WDR82: variants seen among roughly 807,000 people sequenced by gnomAD.
WDR82 encodes WD repeat-containing protein 82.
A neutral mutation model predicts 36.1 loss-of-function variants in WDR82; 8 were observed. That is an observed-to-expected ratio of 0.22 (90% CI 0.13 to 0.40). The LOEUF (loss-of-function observed/expected upper bound fraction) is 0.40. Ranked by LOEUF, WDR82 falls within the 10% of genes least tolerant of loss-of-function variation. The probability of loss-of-function intolerance (pLI) is 1.00; values close to 1 mark genes in which losing one functional copy is unlikely to be tolerated. For missense variants in WDR82, 185 were observed against 400.5 expected (o/e 0.46, Z 4.59); for synonymous variants, 129 against 137.8 (o/e 0.94, Z 0.45).
intron 1 of WDR82, among the ~76,000 whole-genome samples, chr3:52,274,661 G>A (rs532869825): frequency 1.2e-4 from 19 of 152,206 alleles, no homozygotes; most frequent in African/African-American, 3.4e-4. Flanking sequence ...CTGGGAGGCC[G>A]AGGAGACCGA....
chr3:52,277,773 CAA>C (rs1324573076), intron 1 of WDR82, among the ~76,000 whole-genome samples: 1 of 152,166 alleles, frequency 6.6e-6, no homozygotes, highest in Non-Finnish European at 1.5e-5. Flanking sequence ...GGAGAGAGCA[CAA>C]GAGAGAGCTG....
chr3:52,277,365 TAA>T (rs1442161196), intron 1 of WDR82, among the ~76,000 whole-genome samples: 4 of 151,306 alleles, frequency 2.6e-5, no homozygotes, highest in Admixed American at 2.6e-4. Flanking sequence ...TGTGGCAACA[TAA>T]AAGTTTCATG....
intron 4 of WDR82, 61 bp from the exon 5 acceptor site, chr3:52,260,562 A>C: frequency 8.7e-7 from 1 of 1,153,652 alleles, no homozygotes; most frequent in Non-Finnish European, 1.2e-6. Flanking sequence ...ACGTGGAATA[A>C]CCAAAGACTG....
chr3:52,278,166 C>T (rs1448474839), intron 1 of WDR82, 35 bp downstream of exon 1: 2 of 1,536,368 alleles, frequency 1.3e-6, no homozygotes, highest in African/African-American at 1.4e-5. Context: ...GAGGGAGGCA[C>T]TGAGACTCGG....
In WDR82 at chr3:52,278,412, C is replaced by A; in HGVS notation, c.-51G>T. On this transcript the variant is annotated 5_prime_UTR_variant, in exon 1 of 9. Transcript: ENST00000296490. Reference sequence around the variant, plus strand: ...GGCGCAGGGCCGGGGCGGGGCCCGGCGGCGAGCGGGCGGGCTGCCGAGGGG... The same window carrying A: ...GGCGCAGGGCCGGGGCGGGGCCCGGAGGCGAGCGGGCGGGCTGCCGAGGGG... 1.6e-6 allele frequency: 2 copies of A among 1,257,554 alleles called. No homozygotes were observed. Among genetic ancestry groups the A allele is most frequent in the East Asian group, 3.6e-5 (1 of 27,818 alleles). The allele number at this position is 1,257,554 out of a possible 1,614,324, so 77.9% of individuals were successfully genotyped here.
chr3:52,264,384 G>C (rs1306138389), intron 3 of WDR82, among the ~76,000 whole-genome samples: 2 of 152,136 alleles, frequency 1.3e-5, no homozygotes, highest in Admixed American at 6.6e-5. Flanking sequence ...CCTGCCACGG[G>C]AAAGTAAGTT....
intron 8 of WDR82, 150 bp downstream of exon 8, chr3:52,258,386 A>G: frequency 1.1e-6 from 1 of 902,602 alleles, no homozygotes; most frequent in Non-Finnish European, 1.7e-6. Flanking sequence ...ATAATAGGAG[A>G]TGAAATAGGG....
chr3:52,255,569 G>A lies in WDR82; in HGVS notation c.*1921C>T, dbSNP rs1276278756. ...TAGTCTACATTTGGGAAAGGTGTAC[G>A]CCTCTTGCACTTTCAGAGGAACAAG... On this transcript the variant is annotated 3_prime_UTR_variant, in exon 9 of 9. Transcript: ENST00000296490. 7 of 151,896 alleles carry A rather than the reference G, an allele frequency of 4.6e-5. No individual in the cohort carries two copies. 9.4% of individuals were successfully genotyped at this position (151,896 alleles called of 1,614,324 possible). A position where few individuals can be genotyped will look rare whatever the true frequency, so the allele number is the denominator to read the frequency against.
At chr3:52,277,077 T>TA (rs1362674627) in intron 1 of WDR82, among the ~76,000 whole-genome samples, 3 of 144,624 alleles carry the variant, frequency 2.1e-5, no homozygotes, top group African/African-American at 7.5e-5. Flanking sequence ...ATAATAATAA[T>TA]AATAATAATA....
chr3:52,272,629 G>A (rs536778209), intron 1 of WDR82, among the ~76,000 whole-genome samples: 2 of 151,572 alleles, frequency 1.3e-5, no homozygotes, highest in African/African-American at 4.9e-5. Flanking sequence ...TCTCCAATAC[G>A]ATCAACTGAA....
chr3:52,265,928 C>T (rs1032487880), intron 3 of WDR82, among the ~76,000 whole-genome samples: 21 of 152,086 alleles, frequency 1.4e-4, no homozygotes, highest in Admixed American at 1.1e-3. Flanking sequence ...TGTCAGGGCT[C>T]CATACCAATC....
At position 52,257,531 on chromosome 3, in the gene WDR82, A is replaced by G. The variant is rs1700020183; in HGVS notation, c.913-12T>C. 3 of 1,614,132 alleles carry G rather than the reference A, an allele frequency of 1.9e-6. No individual in the cohort carries two copies. In the Admixed American group the frequency reaches 5.0e-5, roughly 27 times the overall value. ...GGCAACCAAAAGGCCTAGAAGGAGA[A>G]CATAAATCAACTTTAAAAAGCCAAG... On this transcript the variant is annotated splice_polypyrimidine_tract_variant and intron_variant, in intron 8 of 8. Coordinates refer to ENST00000296490, the MANE Select transcript of WDR82 (RefSeq NM_025222.4).
rs1334864881 is a variant in WDR82, at chr3:52,256,625, TG to T, written c.*864del. ...AATACTGGCCCACAGGTAAGTGTGA[TG>T]TATCTCATGTACAAAAATAGACTCC... On this transcript the variant is annotated 3_prime_UTR_variant, in exon 9 of 9. Transcript: ENST00000296490. 2 of 153,738 alleles carry T rather than the reference TG, an allele frequency of 1.3e-5. No individual in the cohort carries two copies. 9.5% of individuals were successfully genotyped at this position (153,738 alleles called of 1,614,324 possible).
Position 52,260,372 on chromosome 3 carries a change from T to C in WDR82, c.543+13A>G. The stretch of plus-strand genomic sequence containing the variant: ...AAAAACAGCTCAAAGATCTCAAAGA[T>C]TCAAAGATTTACCTTATCAAAAGAA... On this transcript the variant is annotated intron_variant, in intron 5 of 8. Transcript: ENST00000296490. 2 of 1,525,810 alleles carry C rather than the reference T, an allele frequency of 1.3e-6. No homozygotes were observed. Among genetic ancestry groups the C allele is most frequent in the African/African-American group, 1.4e-5 (1 of 69,244 alleles). The allele number at this position is 1,525,810 out of a possible 1,614,324, so 94.5% of individuals were successfully genotyped here.
chr3:52,256,717 CAG>C lies in WDR82; in HGVS notation c.*771_*772del, dbSNP rs1275475355. 2 of 153,684 alleles carry C rather than the reference CAG, an allele frequency of 1.3e-5. No individual in the cohort carries two copies. Among genetic ancestry groups the C allele is most frequent in the Admixed American group, 1.3e-4 (2 of 15,268 alleles). 9.5% of individuals were successfully genotyped at this position (153,684 alleles called of 1,614,324 possible). A position where few individuals can be genotyped will look rare whatever the true frequency, so the allele number is the denominator to read the frequency against. On this transcript the variant is annotated 3_prime_UTR_variant, in exon 9 of 9. Coordinates refer to ENST00000296490, the MANE Select transcript of WDR82 (RefSeq NM_025222.4). The stretch of plus-strand genomic sequence containing the variant: ...GAGGACCGTGGGTTTGTCTTGATGA[CAG>C]GGCACTGCACCAGGCTGCTGCTAAA...
chr3:52,269,673 C>T (rs367630811), intron 2 of WDR82, among the ~76,000 whole-genome samples: 2 of 151,676 alleles, frequency 1.3e-5, no homozygotes, highest in East Asian at 3.9e-4. Flanking sequence ...GAGGTTGCAG[C>T]GAGCTGAGAT....
In WDR82 at chr3:52,261,492, G is replaced by C. The variant is rs758549887; in HGVS notation, c.327-13C>G. ...CAAGGCCACCACCCTGCAATACATC[G>C]AGATAAATAGGAGTTGATGCGAAAT... On this transcript the variant is annotated splice_polypyrimidine_tract_variant and intron_variant, in intron 3 of 8. Coordinates refer to ENST00000296490, the MANE Select transcript of WDR82 (RefSeq NM_025222.4). The C allele has an allele frequency of 6.2e-7, 1 of 1,601,348 alleles. No individual in the cohort carries two copies. The highest frequency in any genetic ancestry group is 8.5e-7 in the Non-Finnish European group (1 of 1,176,046).
rs939268523 is a variant in WDR82 at position 52,270,699 on chromosome 3, A to G, written c.259+13T>C. The G allele has an allele frequency of 1.1e-5, 17 of 1,597,488 alleles. No homozygotes were observed. The highest frequency in any genetic ancestry group is 8.9e-5 in the East Asian group (4 of 44,734). On this transcript the variant is annotated intron_variant, in intron 2 of 8. Coordinates refer to ENST00000296490, the MANE Select transcript of WDR82 (RefSeq NM_025222.4). ...GAAACCATGACCTTAACTTCCTAAA[A>G]AGGCTTGCTTACCGTCTATTTTGTT...
At chr3:52,264,675 AAGGAG>A (rs1700089747) in intron 3 of WDR82, among the ~76,000 whole-genome samples, 2 of 152,146 alleles carry the variant, frequency 1.3e-5, no homozygotes, top group Admixed American at 1.3e-4. Flanking sequence ...AAGGCCAATT[AAGGAG>A]ATGGAAGCAA....
Sources: gnomAD v4.1 joint callset for allele counts (sites outside exome capture counted in the v4.1 genomes callset) on GRCh38, gnomAD v4.1.1 for gene constraint, MANE v1.5 for transcripts, NCBI Gene and HGNC (gene_info 2026-07-23, HGNC 2026-07-21) for gene names.